Variants in MYO9B observed in about 807,000 individuals in gnomAD.
MYO9B encodes the protein myosin IXB.
MYO9B carries 71 observed loss-of-function variants against 229.5 expected under a neutral mutation model. The ratio of observed to expected loss-of-function variants is 0.31; its 90% CI spans 0.26 to 0.38. The LOEUF (loss-of-function observed/expected upper bound fraction) is 0.38. Ranked by LOEUF, MYO9B falls within the 10% of genes least tolerant of loss-of-function variation. The pLI is 1.00. For synonymous variants in MYO9B, 1,185 were observed against 1,235.8 expected (o/e 0.96, Z 0.86); for missense variants, 2,255 against 2,920.5 (o/e 0.77, Z 5.25).
intron 6 of MYO9B, among the ~76,000 whole-genome samples, chr19:17,156,019 C>CAAA (rs34932047): frequency 8.8e-6 from 1 of 113,568 alleles, no homozygotes; most frequent in Admixed American, 9.0e-5. Context: ...GACTCTGTCT[C>CAAA]AAAAAAAAAA....
chr19:17,094,516 C>T (rs1414168691), intron 1 of MYO9B, among the ~76,000 whole-genome samples: 3 of 152,182 alleles, frequency 2.0e-5, no homozygotes, highest in Admixed American at 6.5e-5. Context: ...CCCAAGCAGC[C>T]ACCGATCAGC....
intron 1 of MYO9B, among the ~76,000 whole-genome samples, chr19:17,079,913 T>C (rs1021366977): frequency 1.3e-5 from 2 of 152,230 alleles, no homozygotes; most frequent in African/African-American, 4.8e-5. Flanking sequence ...CAAAGGGCTC[T>C]GTCTCCACAC....
At chr19:17,117,757 G>C (rs1478038544) in intron 2 of MYO9B, among the ~76,000 whole-genome samples, 1 of 151,832 alleles carries the variant, frequency 6.6e-6, no homozygotes, top group Non-Finnish European at 1.5e-5. Flanking sequence ...GGCCAACATG[G>C]TGAAACCCCA....
intron 2 of MYO9B, among the ~76,000 whole-genome samples, chr19:17,112,760 G>A (rs959090569): frequency 1.3e-5 from 2 of 152,236 alleles, no homozygotes; most frequent in Admixed American, 1.3e-4. Flanking sequence ...AGGCCTCAGA[G>A]GCCATCCTGT....
At chr19:17,140,901 G>A (rs936868699) in intron 2 of MYO9B, among the ~76,000 whole-genome samples, 5 of 151,230 alleles carry the variant, frequency 3.3e-5, no homozygotes, top group Non-Finnish European at 5.9e-5. Flanking sequence ...TCAGGAGTTC[G>A]AGACCAGCCT....
chr19:17,203,007 G>GA, intron 29 of MYO9B, 124 bp downstream of exon 29: 6 of 1,397,908 alleles, frequency 4.3e-6, no homozygotes, highest in Non-Finnish European at 5.9e-6. Flanking sequence ...GGACACGTGT[G>GA]AGTGTGTTTT....
chr19:17,160,727 T>A (rs1382162936), intron 8 of MYO9B, among the ~76,000 whole-genome samples: 9 of 151,622 alleles, frequency 5.9e-5, no homozygotes, highest in Non-Finnish European at 1.3e-4. Context: ...TTGAGACAGT[T>A]TCGCTCCTGT....
chr19:17,173,193 A>G (rs1302966991), intron 13 of MYO9B, among the ~76,000 whole-genome samples: 2 of 151,932 alleles, frequency 1.3e-5, no homozygotes, highest in Non-Finnish European at 2.9e-5. Context: ...TCCTTTGCAA[A>G]TGATGCCCTC....
intron 1 of MYO9B, among the ~76,000 whole-genome samples, chr19:17,078,170 G>A (rs959055414): frequency 5.3e-5 from 8 of 152,138 alleles, no homozygotes; most frequent in Non-Finnish European, 8.8e-5. Flanking sequence ...TAGATTCCTG[G>A]GGACAGAGGT....
chr19:17,082,755 G>A (rs986820598), intron 1 of MYO9B, among the ~76,000 whole-genome samples: 1 of 152,096 alleles, frequency 6.6e-6, no homozygotes, highest in East Asian at 1.9e-4. Context: ...TACTTATTTG[G>A]CCCATAGGTG....
At chr19:17,149,197 T>TG (rs2072449836) in intron 3 of MYO9B, among the ~76,000 whole-genome samples, 1 of 151,462 alleles carries the variant, frequency 6.6e-6, no homozygotes, top group Admixed American at 6.6e-5. Context: ...AGGCTGGTCT[T>TG]GAACTCCTGG....
intron 6 of MYO9B, among the ~76,000 whole-genome samples, chr19:17,155,724 G>A (rs1366096360): frequency 2.6e-5 from 4 of 151,796 alleles, no homozygotes; most frequent in Admixed American, 2.0e-4. Context: ...AATGAGCTAA[G>A]ATGGCACCTC....
rs369428885 is a variant in MYO9B, at chr19:17,150,524, C to T, written c.936-2120C>T. ...CCTTGGGCACCAGCTGTGTCTCCTG[C>T]ATAACAGGATGGGCTCAGATGAGGG... On this transcript the variant is annotated intron_variant, in intron 3 of 39. Coordinates refer to ENST00000682292, the MANE Select transcript of MYO9B (RefSeq NM_004145.4). Among the ~76,000 whole-genome samples the T allele has an allele frequency of 3.4e-3, 519 of 152,276 alleles. 2 individuals are homozygous for T. Among genetic ancestry groups the T allele is most frequent in the African/African-American group, 0.011 (466 of 41,582 alleles).
intron 11 of MYO9B, among the ~76,000 whole-genome samples, chr19:17,170,303 T>A (rs2145351417): frequency 6.6e-6 from 1 of 152,162 alleles, no homozygotes; most frequent in South Asian, 2.1e-4. Flanking sequence ...CCAAATAAGG[T>A]CACATTCAAA....
intron 6 of MYO9B, 114 bp from the exon 7 acceptor site, chr19:17,156,795 A>T (rs2072542118): frequency 1.6e-6 from 2 of 1,262,010 alleles, no homozygotes; most frequent in East Asian, 4.8e-5. Flanking sequence ...TTCAAATTTC[A>T]TGCGTTCCGA....
chr19:17,085,872 G>T (rs2057577733), intron 1 of MYO9B, among the ~76,000 whole-genome samples: 1 of 152,206 alleles, frequency 6.6e-6, no homozygotes, highest in East Asian at 1.9e-4. Context: ...GGATACAAGG[G>T]TTTTTCCTCT....
intron 1 of MYO9B, among the ~76,000 whole-genome samples, chr19:17,099,815 TAA>T (rs34945453): frequency 0.45 from 52,866 of 116,218 alleles, 12,052 homozygotes; most frequent in Middle Eastern, 0.58. Context: ...GAGACTGTCT[TAA>T]AAAAAAAAAA....
chr19:17,144,994 AAAAG>A (rs1568272503), intron 2 of MYO9B, among the ~76,000 whole-genome samples: 1 of 150,490 alleles, frequency 6.6e-6, no homozygotes, highest in East Asian at 2.0e-4. Context: ...AAAAAAAAGA[AAAAG>A]AAAAAATAGA....
intron 27 of MYO9B, 32 bp from the exon 28 acceptor site, chr19:17,202,098 G>C: frequency 6.2e-7 from 1 of 1,612,716 alleles, no homozygotes; most frequent in Non-Finnish European, 8.5e-7. Context: ...CCCTTGCCCA[G>C]GCCTGCAGGG....
Sources: allele counts gnomAD v4.1 joint callset (sites outside exome capture counted in the v4.1 genomes callset), GRCh38; gene constraint gnomAD v4.1.1; transcripts MANE v1.5; gene names NCBI Gene and HGNC (gene_info 2026-07-23, HGNC 2026-07-21).